Variants in ATR observed in about 807,000 individuals in gnomAD.
The protein encoded by ATR is serine/threonine-protein kinase ATR.
ATR carries 142 observed loss-of-function variants against 305.3 expected under a neutral mutation model. The ratio of observed to expected loss-of-function variants is 0.47; its 90% CI spans 0.41 to 0.53. ATR has a LOEUF of 0.53. Ranked by LOEUF, ATR falls within the 20% of genes least tolerant of loss-of-function variation. ATR has a pLI of 0.00. For missense variants in ATR, 2,135 were observed against 3,133.1 expected, an observed-to-expected ratio of 0.68 and a Z score of 7.60; for synonymous variants, 1,050 against 1,068.1, an observed-to-expected ratio of 0.98 and a Z score of 0.33.
rs2070974969 is a variant in ATR at position 142,459,329 on chromosome 3, G to C, written c.7247C>G (p.Ala2416Gly). 6.2e-7 allele frequency: 1 copy of C among 1,613,848 alleles called. No individual in the cohort carries two copies. The highest frequency in any genetic ancestry group is 1.7e-5 in the Admixed American group (1 of 59,984). The change falls in exon 43 of 47, where the codon GCT becomes GGT. Residue 2416 changes from alanine to glycine, a missense_variant. Ala to Gly is a moderately conservative substitution (Grantham distance 60, BLOSUM62 0). Transcript: ENST00000350721. ...LRQCMLPKSA[A>G]LSEKLKVFRE... Reference sequence around the variant, plus strand: ...GAATACTTTGAGTTTTTCAGATAAAGCTGCTGACTTTGGTAGCATACACTG... The same window carrying C: ...GAATACTTTGAGTTTTTCAGATAAACCTGCTGACTTTGGTAGCATACACTG...
At chr3:142,497,300 T>C (rs1331895309) in intron 32 of ATR, 108 bp from the exon 33 acceptor site, 2 of 1,149,444 alleles carry the variant, frequency 1.7e-6, no homozygotes, top group East Asian at 5.0e-5. Flanking sequence ...AAATACACAG[T>C]TGTCTTTGGT....
chr3:142,568,563 T>A (rs533697785), intron 1 of ATR, among the ~76,000 whole-genome samples: 1 of 152,218 alleles, frequency 6.6e-6, no homozygotes, highest in East Asian at 1.9e-4. Context: ...CCTTCTGAGG[T>A]GCAAGACAGG....
At chr3:142,497,872 G>A (rs2031736973) in intron 32 of ATR, among the ~76,000 whole-genome samples, 1 of 151,982 alleles carries the variant, frequency 6.6e-6, no homozygotes, top group Non-Finnish European at 1.5e-5. Context: ...TAAGAGTGAT[G>A]GAAACTTTGA....
intron 46 of ATR, chr3:142,451,029 C>G: frequency 4.0e-6 from 5 of 1,263,898 alleles, no homozygotes; most frequent in Non-Finnish European, 5.1e-6. Flanking sequence ...TTAAGAGACA[C>G]CAGTGAATAT....
In ATR at chr3:142,553,382, A is replaced by G. The variant is rs757300928; in HGVS notation, c.2650T>C (p.Leu884=). The G allele has an allele frequency of 6.2e-7, 1 of 1,613,724 alleles. No homozygotes were observed. Among genetic ancestry groups the G allele is most frequent in the Non-Finnish European group, 8.5e-7 (1 of 1,179,882 alleles). ...AAGTGTAAGAGTGCAAATGGTACCA[A>G]ATCTCCTTTTGCGGCCCTAAAATTA... ...GDIGRAAKGD[L]VPFALLHLLH... The change falls in exon 13 of 47, where the codon TTG becomes CTG. Residue 884 remains leucine, a synonymous_variant. Transcript: ENST00000350721.
intron 35 of ATR, 23 bp from the exon 36 acceptor site, chr3:142,485,305 C>T (rs113258038): frequency 1.7e-5 from 28 of 1,613,344 alleles, no homozygotes; most frequent in Non-Finnish European, 2.4e-5. Flanking sequence ...ACATAGGATA[C>T]CTACCTAAGG....
At chr3:142,513,922 T>C (rs1332813523) in intron 25 of ATR, among the ~76,000 whole-genome samples, 3 of 151,000 alleles carry the variant, frequency 2.0e-5, no homozygotes, top group African/African-American at 7.3e-5. Flanking sequence ...GAGCTGAAAA[T>C]AGTTAACAGT....
intron 44 of ATR, 50 bp from the exon 45 acceptor site, chr3:142,457,805 A>C: frequency 1.3e-6 from 2 of 1,594,698 alleles, no homozygotes; most frequent in Non-Finnish European, 1.7e-6. Context: ...GAATTTAAAA[A>C]TCTTTACTCA....
Position 142,459,880 on chromosome 3 carries a change from A to C in ATR, c.7193-497T>G, listed in dbSNP as rs577046085. Among the ~76,000 whole-genome samples the C allele has an allele frequency of 1.1e-4, 17 of 152,250 alleles. No homozygotes were observed. In the South Asian group the frequency reaches 3.3e-3, roughly 30 times the overall value. ...AGTTAAAACCAGTGTTGTGAAATCA[A>C]ATAGTTCCAGAATACAAGACTCAAA... On this transcript the variant is annotated intron_variant, in intron 42 of 46. Transcript: ENST00000350721.
At chr3:142,575,344 G>A (rs2035400547) in intron 1 of ATR, among the ~76,000 whole-genome samples, 1 of 152,006 alleles carries the variant, frequency 6.6e-6, no homozygotes, top group African/African-American at 2.4e-5. Flanking sequence ...AATTAGCTCG[G>A]TGGTGCAAGC....
intron 41 of ATR, among the ~76,000 whole-genome samples, chr3:142,463,175 T>A (rs936833089): frequency 1.7e-4 from 26 of 152,152 alleles, no homozygotes; most frequent in Non-Finnish European, 3.7e-4. Flanking sequence ...ACTAACTAAG[T>A]TAGTATGTCA....
chr3:142,507,703 C>T (rs893648638), intron 28 of ATR, among the ~76,000 whole-genome samples: 1 of 152,126 alleles, frequency 6.6e-6, no homozygotes, highest in African/African-American at 2.4e-5. Context: ...CTGGCTCATC[C>T]GCTTCCATCT....
At chr3:142,540,149 G>A (rs1047369604) in intron 18 of ATR, among the ~76,000 whole-genome samples, 4 of 152,088 alleles carry the variant, frequency 2.6e-5, no homozygotes, top group Non-Finnish European at 5.9e-5. Flanking sequence ...AAAAAATAGA[G>A]GGAAAAGTTA....
intron 1 of ATR, among the ~76,000 whole-genome samples, chr3:142,576,222 T>C (rs1200465680): frequency 6.6e-6 from 1 of 152,204 alleles, no homozygotes; most frequent in Admixed American, 6.5e-5. Context: ...CCTAGGCTTT[T>C]GGTTGGCATA....
chr3:142,482,833 T>TAA (rs75409897), intron 36 of ATR, among the ~76,000 whole-genome samples: 3 of 137,106 alleles, frequency 2.2e-5, no homozygotes, highest in African/African-American at 2.7e-5. Flanking sequence ...CTTTGTCAAT[T>TAA]AAAAAAAAAA....
At chr3:142,521,823 T>TA (rs1398862176) in intron 23 of ATR, among the ~76,000 whole-genome samples, 2 of 152,222 alleles carry the variant, frequency 1.3e-5, no homozygotes, top group Non-Finnish European at 2.9e-5. Context: ...AGATGGAATC[T>TA]ACTGTGGTTC....
rs57120276 is a variant in ATR at position 142,544,452 on chromosome 3, C to CAAA, written c.3358-1698_3358-1696dup. The stretch of plus-strand genomic sequence containing the variant: ...GGGTGACAGAGCAAAATCCTGCCTC[C>CAAA]AAAAAAAAAAAAAAAAAAAAAAAAA... On this transcript the variant is annotated intron_variant, in intron 16 of 46. Coordinates refer to ENST00000350721, the MANE Select transcript of ATR (RefSeq NM_001184.4). Among the ~76,000 whole-genome samples, 49 of 18,974 alleles carry CAAA rather than the reference C, an allele frequency of 2.6e-3. 3 individuals carry two copies. Among genetic ancestry groups the CAAA allele is most frequent in the Non-Finnish European group, 4.0e-3 (39 of 9,726 alleles). 12.4% of individuals were successfully genotyped at this position (18,974 alleles called of 152,430 possible).
chr3:142,552,158 C>T (rs184575763), intron 13 of ATR, among the ~76,000 whole-genome samples: 10 of 152,102 alleles, frequency 6.6e-5, no homozygotes, highest in African/African-American at 1.9e-4. Flanking sequence ...GCAAGGTTTC[C>T]GAGAAAAGGG....
intron 16 of ATR, among the ~76,000 whole-genome samples, chr3:142,547,143 AT>A (rs774568341): frequency 6.1e-4 from 93 of 152,278 alleles, no homozygotes; most frequent in African/African-American, 1.3e-3. Flanking sequence ...GGATTTACAT[AT>A]TTTTTTAAGA....
Sources: gnomAD v4.1 joint callset for allele counts (sites outside exome capture counted in the v4.1 genomes callset) on GRCh38, gnomAD v4.1.1 for gene constraint, MANE v1.5 for transcripts, NCBI Gene and HGNC (gene_info 2026-07-23, HGNC 2026-07-21) for gene names.